SYNGR3: variants seen among roughly 807,000 people sequenced by gnomAD.
The protein encoded by SYNGR3 is synaptogyrin 3, also known as synaptogyrin-3.
SYNGR3 carries 10 observed loss-of-function variants against 18.5 expected under a neutral mutation model. The observed-to-expected ratio is 0.54, with a 90% CI of 0.33 to 0.92. SYNGR3 has a LOEUF of 0.92. SYNGR3 is among the 40% of genes least tolerant of loss of function. The probability of loss-of-function intolerance (pLI) is 0.02; values close to 1 mark genes in which losing one functional copy is unlikely to be tolerated. For synonymous variants in SYNGR3, 188 were observed against 157.2 expected, an observed-to-expected ratio of 1.20 and a Z score of -1.47; for missense variants, 335 against 332.8, an observed-to-expected ratio of 1.01 and a Z score of -0.05.
At chr16:1,991,835 C>A in intron 1 of SYNGR3, 139 bp from the exon 2 acceptor site, 1 of 672,156 alleles carries the variant, frequency 1.5e-6, no homozygotes, top group Non-Finnish European at 2.4e-6. Context: ...CGCGAGGGTT[C>A]GGGAAAGAAA....
intron 1 of SYNGR3, chr16:1,990,706 G>C: frequency 3.9e-6 from 1 of 254,766 alleles, no homozygotes; most frequent in Non-Finnish European, 8.2e-6. Flanking sequence ...TGGGCTGGGA[G>C]GGCTTCCTGG....
chr16:1,990,501 C>G (rs1318917617), intron 1 of SYNGR3: 1 of 533,800 alleles, frequency 1.9e-6, no homozygotes. Context: ...TTCCGCAGCC[C>G]TTACTCCGTT....
rs755919438 is a variant in SYNGR3, at chr16:1,992,833, G to GGCTGACCCC, written c.481-18_481-10dup. ...AAGGGGCGGGCGCTCGGCTGATCCC[G>GGCTGACCCC]GCTGACCCCGCTGACCCCGCCCCGC... On this transcript the variant is annotated intron_variant, in intron 3 of 3. Coordinates refer to ENST00000248121, the MANE Select transcript of SYNGR3 (RefSeq NM_004209.6). 1.2e-5 allele frequency: 18 copies of GGCTGACCCC among 1,518,140 alleles called. No individual in the cohort carries two copies. The East Asian group carries it at 1.4e-4, about 12-fold the overall frequency. The allele number at this position is 1,518,140 out of a possible 1,614,324, so 94.0% of individuals were successfully genotyped here.
At chr16:1,992,819 G>A in intron 3 of SYNGR3, 41 bp downstream of exon 3, 1 of 1,506,978 alleles carries the variant, frequency 6.6e-7, no homozygotes. Flanking sequence ...AGGGGCGGGC[G>A]CTCGGCTGAT....
Position 1,993,660 on chromosome 16 carries a change from C to A in SYNGR3, c.*588C>A. On this transcript the variant is annotated 3_prime_UTR_variant, in exon 4 of 4. Transcript: ENST00000248121. ...TCTTCGGGTTTCACCTCCTAGTACT[C>A]CACAAGCTGCTCCTCTCTCTGTGGC... The A allele has an allele frequency of 4.5e-6, 2 of 445,200 alleles. No homozygotes were observed. 27.6% of individuals were successfully genotyped at this position (445,200 alleles called of 1,614,324 possible). A position where few individuals can be genotyped will look rare whatever the true frequency, so the allele number is the denominator to read the frequency against.
chr16:1,991,931 AG>A, intron 1 of SYNGR3, 42 bp from the exon 2 acceptor site: 1 of 1,527,494 alleles, frequency 6.5e-7, no homozygotes, highest in Non-Finnish European at 8.8e-7. Context: ...GGGCTCGCAG[AG>A]GTCGGGTCGC....
chr16:1,992,274 C>A (rs1261275369), intron 2 of SYNGR3, 63 bp downstream of exon 2: 11 of 131,656 alleles, frequency 8.4e-5, no homozygotes, highest in Non-Finnish European at 1.5e-4. Context: ...GGGGCGGGGC[C>A]TGGGCGGGGA....
In SYNGR3 at chr16:1,992,642, G is replaced by T. The variant is rs1277216527; in HGVS notation, c.344G>T (p.Trp115Leu). The change falls in exon 3 of 4, where the codon TGG becomes TTG. Residue 115 changes from tryptophan (W) to leucine (L), a missense_variant. Trp to Leu is a moderately conservative substitution (Grantham distance 61). Coordinates refer to ENST00000248121, the MANE Select transcript of SYNGR3 (RefSeq NM_004209.6). ...VLLDLGFSGL[W>L]SFLWFVGFCF... ...CGCGCCGCACTGTTCGCAGGACTCT[G>T]GTCCTTCCTGTGGTTCGTGGGCTTC... 5.0e-6 allele frequency: 8 copies of T among 1,605,316 alleles called. No homozygotes were observed. The highest frequency in any genetic ancestry group is 6.8e-6 in the Non-Finnish European group (8 of 1,177,448).
At chr16:1,990,256 C>A in intron 1 of SYNGR3, 55 bp downstream of exon 1, 1 of 915,350 alleles carries the variant, frequency 1.1e-6, no homozygotes, top group South Asian at 3.7e-5. Context: ...GACCTTCAGG[C>A]CCCTACCAGC....
chr16:1,993,152 C>A lies in SYNGR3; in HGVS notation c.*80C>A. ...GGGTCTCCGGGACCTCCCTTGGGTCCTTCCAGCTCAGTGCCGCGGACAGAG... is the reference window on the plus strand; with the variant it reads ...GGGTCTCCGGGACCTCCCTTGGGTCATTCCAGCTCAGTGCCGCGGACAGAG... On this transcript the variant is annotated 3_prime_UTR_variant, in exon 4 of 4. Transcript: ENST00000248121. The A allele has an allele frequency of 6.7e-7, 1 of 1,501,592 alleles. No homozygotes were observed. Among genetic ancestry groups the A allele is most frequent in the Non-Finnish European group, 9.0e-7 (1 of 1,111,200 alleles). 93.0% of individuals were successfully genotyped at this position (1,501,592 alleles called of 1,614,324 possible). A position where few individuals can be genotyped will look rare whatever the true frequency, so the allele number is the denominator to read the frequency against.
At position 1,993,465 on chromosome 16, in the gene SYNGR3, C is replaced by G; in HGVS notation, c.*393C>G. On this transcript the variant is annotated 3_prime_UTR_variant, in exon 4 of 4. Transcript: ENST00000248121. ...AAGCGGGGGCAGGGGAAAGACACCA[C>G]CCTCGCCCCAAGACTGGGGATCCTG... 2.0e-6 allele frequency: 1 copy of G among 493,166 alleles called. No individual in the cohort carries two copies. The highest frequency in any genetic ancestry group is 1.5e-5 in the South Asian group (1 of 64,904). The allele number at this position is 493,166 out of a possible 1,614,324, so 30.5% of individuals were successfully genotyped here. A position where few individuals can be genotyped will look rare whatever the true frequency, so the allele number is the denominator to read the frequency against.
At chr16:1,991,676 C>A (rs2083604550) in intron 1 of SYNGR3, 1 of 403,004 alleles carries the variant, frequency 2.5e-6, no homozygotes, top group Non-Finnish European at 4.5e-6. Flanking sequence ...ATGTCCCCCG[C>A]ATTTATAAAG....
chr16:1,990,489 C>A, intron 1 of SYNGR3: 1 of 541,782 alleles, frequency 1.8e-6, no homozygotes, highest in Non-Finnish European at 3.5e-6. Flanking sequence ...ATTTCAGTCC[C>A]TTTCCGCAGC....
rs1179635555 is a variant in SYNGR3, at chr16:1,993,338, A to C, written c.*266A>C. ...GACGTGTGTCCCTAGCCTGGAATGGACTGGCCTGGGGAAGGCTTTCCCCTC... is the reference window on the plus strand; with the variant it reads ...GACGTGTGTCCCTAGCCTGGAATGGCCTGGCCTGGGGAAGGCTTTCCCCTC... On this transcript the variant is annotated 3_prime_UTR_variant, in exon 4 of 4. Coordinates refer to ENST00000248121, the MANE Select transcript of SYNGR3 (RefSeq NM_004209.6). The C allele has an allele frequency of 3.2e-6, 2 of 633,368 alleles. No homozygotes were observed. Among genetic ancestry groups the C allele is most frequent in the Admixed American group, 2.2e-5 (1 of 45,956 alleles). The allele number at this position is 633,368 out of a possible 1,614,324, so 39.2% of individuals were successfully genotyped here. A position where few individuals can be genotyped will look rare whatever the true frequency, so the allele number is the denominator to read the frequency against.
At chr16:1,992,516 C>T (rs2083609517) in intron 2 of SYNGR3, 120 bp from the exon 3 acceptor site, 1 of 1,326,592 alleles carries the variant, frequency 7.5e-7, no homozygotes, top group Non-Finnish European at 9.8e-7. Context: ...GACCTCGCGC[C>T]ACGCGGCGAG....
In SYNGR3 at chr16:1,991,938, G is replaced by A. The variant is rs907958605; in HGVS notation, c.100-36G>A. On this transcript the variant is annotated intron_variant, in intron 1 of 3. Transcript: ENST00000248121. ...CTCGAGGCGGGCTCGCAGAGGTCGG[G>A]TCGCCGCAGGGCCCTGAGCGCCGCG... 5.2e-6 allele frequency: 8 copies of A among 1,547,808 alleles called. No individual in the cohort carries two copies. The African/African-American group carries it at 1.1e-4, about 22-fold the overall frequency.
intron 2 of SYNGR3, 179 bp from the exon 3 acceptor site, chr16:1,992,457 G>A: frequency 1.1e-6 from 1 of 936,208 alleles, no homozygotes; most frequent in South Asian, 2.1e-5. Context: ...GGCGCGGAAC[G>A]GGTCTGGCGC....
In SYNGR3 at chr16:1,992,857, G is replaced by T. The variant is rs1476084036; in HGVS notation, c.481-6G>T. On this transcript the variant is annotated splice_polypyrimidine_tract_variant and splice_region_variant and intron_variant, in intron 3 of 3. Coordinates refer to ENST00000248121, the MANE Select transcript of SYNGR3 (RefSeq NM_004209.6). ...CGGCTGACCCCGCTGACCCCGCCCC[G>T]CGCAGGTGGCGCTCACCGTGAAGGC... 3.9e-6 allele frequency: 6 copies of T among 1,549,914 alleles called. No individual in the cohort carries two copies. The highest frequency in any genetic ancestry group is 4.4e-6 in the Non-Finnish European group (5 of 1,148,758).
At chr16:1,992,447 G>A in intron 2 of SYNGR3, 189 bp from the exon 3 acceptor site, 1 of 905,508 alleles carries the variant, frequency 1.1e-6, no homozygotes, top group Non-Finnish European at 1.5e-6. Context: ...GCGGAGCCTG[G>A]GCGCGGAACG....
Sources: allele counts gnomAD v4.1 joint callset, GRCh38; gene constraint gnomAD v4.1.1; transcripts MANE v1.5; gene names NCBI Gene and HGNC (gene_info 2026-07-23, HGNC 2026-07-21).